Variants in DDX60 observed in about 807,000 individuals in gnomAD.
The protein encoded by DDX60 is probable ATP-dependent RNA helicase DDX60.
Under a neutral mutation model 212.8 loss-of-function variants are expected in DDX60, and 165 were observed. The observed-to-expected ratio is 0.78, with a 90% confidence interval of 0.68 to 0.88. The LOEUF is 0.88. Among genes scored for constraint, DDX60 ranks in the 40% least tolerant of loss-of-function variants. The pLI is 0.00. For missense variants in DDX60, 1,905 were observed against 2,003.9 expected (o/e 0.95, Z 0.94); for synonymous variants, 703 against 685.3 (o/e 1.03, Z -0.40).
intron 4 of DDX60, 103 bp from the exon 5 acceptor site, chr4:168,306,823 T>C: frequency 1.2e-6 from 1 of 857,884 alleles, no homozygotes. Flanking sequence ...AATCCAACAG[T>C]TTTGTTCTGT....
intron 36 of DDX60, 32 bp from the exon 37 acceptor site, chr4:168,220,749 T>C: frequency 2.6e-6 from 3 of 1,132,848 alleles, no homozygotes; most frequent in East Asian, 2.9e-5. Flanking sequence ...AAATTAATAA[T>C]ACAAAACATT....
At chr4:168,260,493 G>A (rs932608563) in intron 25 of DDX60, among the ~76,000 whole-genome samples, 20 of 152,174 alleles carry the variant, frequency 1.3e-4, no homozygotes, top group South Asian at 4.1e-4. Context: ...TTGTGGCACC[G>A]GGGACTGGTT....
intron 27 of DDX60, among the ~76,000 whole-genome samples, chr4:168,251,886 T>A (rs1242378264): frequency 1.3e-5 from 2 of 152,196 alleles, no homozygotes; most frequent in Non-Finnish European, 2.9e-5. Flanking sequence ...GGGCAGTGAG[T>A]ACTATGAGTG....
In DDX60 at chr4:168,224,265, A is replaced by G. The variant is rs372305019; in HGVS notation, c.4802T>C (p.Leu1601Pro). Residue 1601 changes from leucine to proline, a missense_variant, in exon 35 of 38, where the codon CTT becomes CCT. Physicochemically the swap from Leu to Pro is moderately conservative, Grantham distance 98. Transcript: ENST00000393743. ...CLSGNFDDDL[L>P]RLETPNHVTL... ...TACATGGTTTGGAGTTTCTAGTCGA[A>G]GCAAATCATCATCAAAGTTCCCAGA... is the stretch of plus-strand genomic sequence containing the variant. 1.6e-5 allele frequency: 26 copies of G among 1,612,350 alleles called. No individual in the cohort carries two copies. The Admixed American group carries it at 2.0e-4, about 12-fold the overall frequency.
At chr4:168,316,044 T>C (rs921480513) in intron 1 of DDX60, among the ~76,000 whole-genome samples, 1 of 152,204 alleles carries the variant, frequency 6.6e-6, no homozygotes, top group Non-Finnish European at 1.5e-5. Context: ...AATGATAATT[T>C]TATTTAAAGA....
chr4:168,281,423 C>G (rs1187383628), intron 13 of DDX60, among the ~76,000 whole-genome samples: 1 of 152,184 alleles, frequency 6.6e-6, no homozygotes, highest in East Asian at 1.9e-4. Flanking sequence ...ATTTGCCATT[C>G]CTCCTCTCTT....
At chr4:168,279,545 T>C (rs776815964) in intron 14 of DDX60, among the ~76,000 whole-genome samples, 2 of 152,186 alleles carry the variant, frequency 1.3e-5, no homozygotes, top group African/African-American at 2.4e-5. Flanking sequence ...AAAGATGCAA[T>C]GGATTAATTA....
At position 168,248,235 on chromosome 4, in the gene DDX60, C is replaced by A. The variant is rs1734089591; in HGVS notation, c.3916G>T (p.Val1306Phe). ...LGVNMPCKSV[V>F]FAQNSVYLDA... is the part of the protein sequence containing the mutation. ...AGATAGACTGAGTTTTGAGCAAAAA[C>A]CACAGATTTACAAGGCATGTTGACA... The change falls in exon 29 of 38, where the codon GTT (valine) becomes TTT (phenylalanine). Residue 1306 changes from valine to phenylalanine, a missense_variant. Physicochemically the swap from Val to Phe is conservative, Grantham distance 50. Coordinates refer to ENST00000393743, the MANE Select transcript of DDX60 (RefSeq NM_017631.6). The A allele has an allele frequency of 6.2e-7, 1 of 1,610,444 alleles. No individual in the cohort carries two copies. The highest frequency in any genetic ancestry group is 1.3e-5 in the African/African-American group (1 of 74,728).
chr4:168,252,605 A>G lies in DDX60; in HGVS notation c.3609T>C (p.His1203=). 2 of 1,613,546 alleles carry G rather than the reference A, an allele frequency of 1.2e-6. No homozygotes were observed. The highest frequency in any genetic ancestry group is 2.2e-5 in the East Asian group (1 of 44,818). The stretch of plus-strand genomic sequence containing the variant: ...TCACTAGATTATCATGTTCAGCTTC[A>G]TGTATTAGGCTTTGATCCACATTTC... ...KTRNVDQSLI[H]EAEHDNLVKC... The change falls in exon 27 of 38, where the codon CAT becomes CAC. Residue 1203 remains histidine (H), a synonymous_variant. Transcript: ENST00000393743.
intron 26 of DDX60, among the ~76,000 whole-genome samples, chr4:168,253,688 TG>T (rs1361197606): frequency 6.6e-6 from 1 of 152,202 alleles, no homozygotes; most frequent in Non-Finnish European, 1.5e-5. Context: ...TTCCCTTTCT[TG>T]CTTCGTTCAT....
chr4:168,275,583 G>A, intron 15 of DDX60, 80 bp from the exon 16 acceptor site: 1 of 1,221,242 alleles, frequency 8.2e-7, no homozygotes, highest in Non-Finnish European at 1.1e-6. Context: ...TTATTACTGA[G>A]CACTTTCTAT....
Position 168,250,985 on chromosome 4 carries a change from AC to A in DDX60, c.3826del (p.Val1276LeufsTer13), listed in dbSNP as rs1271151922. The A allele has an allele frequency of 1.9e-6, 3 of 1,605,860 alleles. No individual in the cohort carries two copies. ...SAMSFKEKQL[V>X]EILFRKGYLR... The stretch of plus-strand genomic sequence containing the variant: ...ATATCCTTTTCTAAAGAGGATTTCA[AC>A]TAATTGTTTTTCTTTGAAACTCATA... On this transcript the variant is annotated frameshift_variant, in exon 28 of 38. Coordinates refer to ENST00000393743, the MANE Select transcript of DDX60 (RefSeq NM_017631.6). LOFTEE classifies it high-confidence loss of function.
intron 27 of DDX60, among the ~76,000 whole-genome samples, chr4:168,252,156 G>T (rs1268608852): frequency 6.6e-6 from 1 of 152,196 alleles, no homozygotes; most frequent in Non-Finnish European, 1.5e-5. Flanking sequence ...TGGAAACAAT[G>T]TAATAGAAAC....
chr4:168,243,761 G>A (rs556163130), intron 30 of DDX60, among the ~76,000 whole-genome samples: 8 of 152,222 alleles, frequency 5.3e-5, no homozygotes, highest in African/African-American at 1.9e-4. Context: ...CTGGGTATAT[G>A]CCTAAAGAAA....
intron 30 of DDX60, among the ~76,000 whole-genome samples, chr4:168,244,658 G>A (rs1309542826): frequency 6.6e-6 from 1 of 152,160 alleles, no homozygotes; most frequent in African/African-American, 2.4e-5. Context: ...CTGGGAGGCG[G>A]AGGTTGCAGT....
At chr4:168,318,274 T>C (rs1006651948) in intron 1 of DDX60, among the ~76,000 whole-genome samples, 1 of 152,250 alleles carries the variant, frequency 6.6e-6, no homozygotes, top group Non-Finnish European at 1.5e-5. Context: ...CAGGTTTTAC[T>C]GGCTGTGCTT....
intron 25 of DDX60, among the ~76,000 whole-genome samples, 185 bp downstream of exon 25, chr4:168,260,679 CA>C (rs1290983048): frequency 6.6e-6 from 1 of 152,182 alleles, no homozygotes; most frequent in East Asian, 1.9e-4. Flanking sequence ...GTTGATCTGA[CA>C]GGAAGTGGAG....
intron 26 of DDX60, among the ~76,000 whole-genome samples, chr4:168,253,695 T>A (rs1734304161): frequency 6.6e-6 from 1 of 152,286 alleles, no homozygotes; most frequent in African/African-American, 2.4e-5. Context: ...TCTTGCTTCG[T>A]TCATTTTCTC....
chr4:168,254,821 G>A (rs935673913), intron 26 of DDX60, among the ~76,000 whole-genome samples: 4 of 152,172 alleles, frequency 2.6e-5, no homozygotes, highest in East Asian at 3.8e-4. Context: ...TGGAAAGGAA[G>A]AGGTAGAAAA....
Sources: allele counts gnomAD v4.1 joint callset (sites outside exome capture counted in the v4.1 genomes callset), GRCh38; gene constraint gnomAD v4.1.1; transcripts MANE v1.5; gene names NCBI Gene and HGNC (gene_info 2026-07-23, HGNC 2026-07-21).